Variants in EDN3 observed in about 807,000 individuals in gnomAD.
The protein encoded by EDN3 is endothelin 3, also known as endothelin-3.
Under a neutral mutation model 21.4 loss-of-function variants are expected in EDN3, and 9 were observed. The ratio of observed to expected loss-of-function variants is 0.42; its 90% CI spans 0.25 to 0.73. The LOEUF (loss-of-function observed/expected upper bound fraction) is 0.73. EDN3 is among the 30% of genes least tolerant of loss of function. The pLI is 0.26. For synonymous variants in EDN3, 133 were observed against 126.2 expected (o/e 1.05, Z -0.36); for missense variants, 327 against 309.4 (o/e 1.06, Z -0.43).
At chr20:59,310,582 C>T (rs1337387342) in intron 2 of EDN3, among the ~76,000 whole-genome samples, 1 of 152,104 alleles carries the variant, frequency 6.6e-6, no homozygotes, top group African/African-American at 2.4e-5. Flanking sequence ...ACCTTGGGGA[C>T]ATTCACAGGC....
intron 2 of EDN3, among the ~76,000 whole-genome samples, chr20:59,316,862 C>G (rs1473013327): frequency 6.6e-6 from 1 of 152,122 alleles, no homozygotes; most frequent in East Asian, 1.9e-4. Flanking sequence ...CCAGAGATTG[C>G]GTATGTAAGT....
intron 4 of EDN3, chr20:59,323,606 G>A (rs1990676858): frequency 2.5e-6 from 1 of 399,662 alleles, no homozygotes; most frequent in Non-Finnish European, 4.4e-6. Context: ...GGCAAGGGTA[G>A]GAAGCGTGGG....
chr20:59,308,830 G>A (rs1989601077), intron 2 of EDN3, among the ~76,000 whole-genome samples: 1 of 152,186 alleles, frequency 6.6e-6, no homozygotes, highest in African/African-American at 2.4e-5. Flanking sequence ...TGAGTAGAAA[G>A]TCCTTGCTCA....
At chr20:59,323,611 C>T (rs11570348) in intron 4 of EDN3, 6 of 399,330 alleles carry the variant, frequency 1.5e-5, no homozygotes, top group Admixed American at 1.3e-4. Flanking sequence ...GGGTAGGAAG[C>T]GTGGGGTGGT....
In EDN3 at chr20:59,325,781, G is replaced by C. The variant is rs1555850847; in HGVS notation, c.*1322G>C. On this transcript the variant is annotated 3_prime_UTR_variant, in exon 5 of 5. Coordinates refer to ENST00000337938, the MANE Select transcript of EDN3 (RefSeq NM_207034.3). Reference sequence around the variant, plus strand: ...TGTGGATCTGTTCAAAGTAGTCACTGTATATACGTATAGAGAGGTAGATAG... The same window carrying C: ...TGTGGATCTGTTCAAAGTAGTCACTCTATATACGTATAGAGAGGTAGATAG... 2 of 152,210 alleles carry C rather than the reference G, an allele frequency of 1.3e-5. No homozygotes were observed. Among genetic ancestry groups the C allele is most frequent in the African/African-American group, 2.4e-5 (1 of 41,440 alleles). 9.4% of individuals were successfully genotyped at this position (152,210 alleles called of 1,614,324 possible). A position where few individuals can be genotyped will look rare whatever the true frequency, so the allele number is the denominator to read the frequency against.
chr20:59,313,044 C>A (rs1989935663), intron 2 of EDN3, among the ~76,000 whole-genome samples: 1 of 152,134 alleles, frequency 6.6e-6, no homozygotes, highest in Non-Finnish European at 1.5e-5. Flanking sequence ...TTCAAGTAAT[C>A]TAGAGGCCAC....
intron 2 of EDN3, among the ~76,000 whole-genome samples, chr20:59,308,011 C>T (rs1989546686): frequency 6.6e-6 from 1 of 152,152 alleles, no homozygotes; most frequent in African/African-American, 2.4e-5. Flanking sequence ...ATGGGCAAAA[C>T]CCAAATCCTT....
At position 59,306,595 on chromosome 20, in the gene EDN3, T is replaced by TAAAAAAAAAAAAAAAAAA. The variant is rs57144708; in HGVS notation, c.365+4880_365+4897dup. ...TTTTCTCCCCTAAATGCATAAAGAG[T>TAAAAAAAAAAAAAAAAAA]AAAAAAAAAAAAAAAAAAAAAAAAG... On this transcript the variant is annotated intron_variant, in intron 2 of 4. Coordinates refer to ENST00000337938, the MANE Select transcript of EDN3 (RefSeq NM_207034.3). Among the ~76,000 whole-genome samples, 75 of 62,426 alleles carry TAAAAAAAAAAAAAAAAAA rather than the reference T, an allele frequency of 1.2e-3. 1 individual carries two copies. The highest frequency in any genetic ancestry group is 2.5e-3 in the African/African-American group (30 of 12,010). The allele number at this position is 62,426 out of a possible 152,430, so 41.0% of individuals were successfully genotyped here.
intron 2 of EDN3, among the ~76,000 whole-genome samples, chr20:59,303,477 G>A (rs1372991405): frequency 2.0e-5 from 3 of 152,236 alleles, no homozygotes; most frequent in African/African-American, 7.2e-5. Flanking sequence ...CCGAGTTCTT[G>A]TCTTGGCCAG....
chr20:59,318,559 G>T (rs935516162), intron 2 of EDN3, among the ~76,000 whole-genome samples: 1 of 152,136 alleles, frequency 6.6e-6, no homozygotes, highest in African/African-American at 2.4e-5. Context: ...CCTCACCTCC[G>T]CACGGGTCGG....
In EDN3 at chr20:59,325,265, T is replaced by G. The variant is rs961656793; in HGVS notation, c.*806T>G. On this transcript the variant is annotated 3_prime_UTR_variant, in exon 5 of 5. Coordinates refer to ENST00000337938, the MANE Select transcript of EDN3 (RefSeq NM_207034.3). ...AGGCTATTAGGTTGAATATTTGCTTTCATGAGTAAATGTGGATCTTTGGGG... is the reference window on the plus strand; with the variant it reads ...AGGCTATTAGGTTGAATATTTGCTTGCATGAGTAAATGTGGATCTTTGGGG... The G allele has an allele frequency of 6.6e-6, 1 of 152,570 alleles. No individual in the cohort carries two copies. The highest frequency in any genetic ancestry group is 2.4e-5 in the African/African-American group (1 of 41,448). 9.5% of individuals were successfully genotyped at this position (152,570 alleles called of 1,614,324 possible).
At chr20:59,308,974 C>T (rs1183837596) in intron 2 of EDN3, among the ~76,000 whole-genome samples, 1 of 152,170 alleles carries the variant, frequency 6.6e-6, no homozygotes, top group Non-Finnish European at 1.5e-5. Context: ...CTTACAGACT[C>T]TGGGAAAAGG....
At chr20:59,311,801 A>G (rs530594290) in intron 2 of EDN3, among the ~76,000 whole-genome samples, 43 of 152,248 alleles carry the variant, frequency 2.8e-4, no homozygotes, top group Admixed American at 2.6e-3. Flanking sequence ...TATTCAAGAT[A>G]GAGTTGCTCT....
chr20:59,324,686 A>T lies in EDN3; in HGVS notation c.*227A>T, dbSNP rs1990745880. On this transcript the variant is annotated 3_prime_UTR_variant, in exon 5 of 5. Coordinates refer to ENST00000337938, the MANE Select transcript of EDN3 (RefSeq NM_207034.3). The stretch of plus-strand genomic sequence containing the variant: ...GATCCCAGATGTGCCCCAGAGCATG[A>T]CGCCTGCAGCTCCGGTTTCATGCAG... 1 of 602,100 alleles carries T rather than the reference A, an allele frequency of 1.7e-6. No individual in the cohort carries two copies. Among genetic ancestry groups the T allele is most frequent in the Non-Finnish European group, 2.9e-6 (1 of 345,184 alleles). 37.3% of individuals were successfully genotyped at this position (602,100 alleles called of 1,614,324 possible). A position where few individuals can be genotyped will look rare whatever the true frequency, so the allele number is the denominator to read the frequency against.
intron 2 of EDN3, among the ~76,000 whole-genome samples, chr20:59,308,657 A>C (rs549920574): frequency 1.5e-3 from 222 of 152,344 alleles, no homozygotes; most frequent in African/African-American, 5.0e-3. Context: ...GAAAGTACAC[A>C]GGGCGTGGTT....
At chr20:59,302,178 G>C (rs11570261) in intron 2 of EDN3, among the ~76,000 whole-genome samples, 6 of 152,168 alleles carry the variant, frequency 3.9e-5, no homozygotes, top group Non-Finnish European at 8.8e-5. Flanking sequence ...GAGTCTAAGG[G>C]TGGGTTTAGC....
chr20:59,311,012 T>C (rs1989768625), intron 2 of EDN3, among the ~76,000 whole-genome samples: 1 of 151,784 alleles, frequency 6.6e-6, no homozygotes, highest in South Asian at 2.1e-4. Context: ...AAAAAACAAG[T>C]AAAATGTAAT....
At chr20:59,312,332 A>AT (rs1989887734) in intron 2 of EDN3, among the ~76,000 whole-genome samples, 1 of 152,190 alleles carries the variant, frequency 6.6e-6, no homozygotes, top group Non-Finnish European at 1.5e-5. Flanking sequence ...AGACGGCTTA[A>AT]TTCCCCAAGT....
intron 2 of EDN3, among the ~76,000 whole-genome samples, chr20:59,320,753 A>T (rs891531607): frequency 6.6e-6 from 1 of 152,210 alleles, no homozygotes; most frequent in Non-Finnish European, 1.5e-5. Flanking sequence ...GGGCTCCAAG[A>T]GTGCTGGCTG....
Sources: gnomAD v4.1 joint callset for allele counts (sites outside exome capture counted in the v4.1 genomes callset) on GRCh38, gnomAD v4.1.1 for gene constraint, MANE v1.5 for transcripts, NCBI Gene and HGNC (gene_info 2026-07-23, HGNC 2026-07-21) for gene names.